Variants in TACC2 observed in about 807,000 individuals in gnomAD.
The protein encoded by TACC2 is transforming acidic coiled-coil containing protein 2.
In TACC2, 137 loss-of-function variants were observed where a neutral mutation model predicts 227.3. That is an observed-to-expected ratio of 0.60 (90% CI 0.52 to 0.69). The LOEUF is 0.69. Ranked by LOEUF, TACC2 falls within the 30% of genes least tolerant of loss-of-function variation. The pLI, the probability that TACC2 is intolerant of heterozygous loss-of-function variation, is 0.00. For missense variants in TACC2, 3,470 were observed against 3,694.4 expected, an observed-to-expected ratio of 0.94 and a Z score of 1.57; for synonymous variants, 1,523 against 1,487.5, an observed-to-expected ratio of 1.02 and a Z score of -0.55.
rs115898691 is a variant in TACC2 at position 122,215,951 on chromosome 10, C to T, written c.7344+500C>T. ...CTCCATCAGATAGATTCCATTTCTT[C>T]TACCCTGTTTACAGACCAAGGAAAG... On this transcript the variant is annotated intron_variant, in intron 10 of 22. Coordinates refer to ENST00000369005, the MANE Select transcript of TACC2 (RefSeq NM_206862.4). 6.3e-3 allele frequency among the ~76,000 whole-genome samples: 952 copies of T among 152,304 alleles called. 14 individuals are homozygous for T. The highest frequency in any genetic ancestry group is 0.022 in the African/African-American group (905 of 41,576).
intron 3 of TACC2, among the ~76,000 whole-genome samples, chr10:122,058,658 C>T (rs981552289): frequency 1.2e-4 from 19 of 152,206 alleles, no homozygotes; most frequent in African/African-American, 3.4e-4. Context: ...TCACCTGCCT[C>T]GGCCTCCCAA....
chr10:122,072,818 T>C (rs183534090), intron 3 of TACC2, among the ~76,000 whole-genome samples: 147 of 151,992 alleles, frequency 9.7e-4, no homozygotes, highest in Middle Eastern at 3.4e-3. Context: ...GACTAAGACA[T>C]AAAAATATAA....
chr10:122,220,227 T>A (rs2095497263), intron 11 of TACC2, among the ~76,000 whole-genome samples: 1 of 152,192 alleles, frequency 6.6e-6, no homozygotes, highest in African/African-American at 2.4e-5. Context: ...TATTTGTCCA[T>A]CTTCTACATT....
intron 5 of TACC2, among the ~76,000 whole-genome samples, chr10:122,089,682 G>A (rs1042499708): frequency 1.3e-5 from 2 of 152,218 alleles, no homozygotes; most frequent in African/African-American, 4.8e-5. Flanking sequence ...TATGAGTAGG[G>A]TGGAATCAGA....
intron 5 of TACC2, among the ~76,000 whole-genome samples, chr10:122,107,880 A>ATTTTT (rs1412735022): frequency 1.4e-4 from 14 of 102,264 alleles, no homozygotes; most frequent in Non-Finnish European, 2.0e-4. Flanking sequence ...ATATATATAT[A>ATTTTT]TTTTTTTTTT....
chr10:122,226,276 G>A, intron 12 of TACC2, 90 bp from the exon 13 acceptor site: 1 of 838,954 alleles, frequency 1.2e-6, no homozygotes, highest in Non-Finnish European at 2.0e-6. Flanking sequence ...TGGGTTATTT[G>A]TTCTCTGTTG....
At chr10:122,059,312 A>C (rs2459093) in intron 3 of TACC2, among the ~76,000 whole-genome samples, 85,727 of 151,020 alleles carry the variant, frequency 0.57, 25,264 homozygotes, top group Non-Finnish European at 0.64. Context: ...ATCAGAATTG[A>C]CTGGGATATC....
chr10:122,237,450 G>T lies in TACC2; in HGVS notation c.8183G>T (p.Arg2728Leu). The change falls in exon 17 of 23, where the codon CGC becomes CTC. Residue 2728 changes from arginine to leucine, a missense_variant. By Grantham distance (102) the Arg-to-Leu change is moderately radical. Transcript: ENST00000369005. The stretch of plus-strand genomic sequence containing the variant: ...ATCTCCAAAACAGCCTTGTACTCCC[G>T]CATCGGGACCGCTGAGGTGGAGAAA... Reference protein sequence around the residue: ...VSISKTALYSRIGTAEVEKPA... With the variant: ...VSISKTALYSLIGTAEVEKPA... The T allele has an allele frequency of 1.9e-6, 3 of 1,613,890 alleles. No individual in the cohort carries two copies. The highest frequency in any genetic ancestry group is 1.7e-6 in the Non-Finnish European group (2 of 1,179,940).
At chr10:122,065,779 G>T (rs1318556325) in intron 3 of TACC2, among the ~76,000 whole-genome samples, 1 of 152,072 alleles carries the variant, frequency 6.6e-6, no homozygotes, top group Admixed American at 6.6e-5. Context: ...CTTGTGTTTT[G>T]AAGCTCTGTT....
intron 5 of TACC2, among the ~76,000 whole-genome samples, chr10:122,090,019 C>G (rs903651955): frequency 3.9e-5 from 6 of 152,088 alleles, no homozygotes. Flanking sequence ...GGAGAAATAT[C>G]TGTCTAGCTT....
rs115591768 is a variant in TACC2, at chr10:122,204,258, G to A, written c.5972-6139G>A. Among the ~76,000 whole-genome samples, 355 of 152,188 alleles carry A rather than the reference G, an allele frequency of 2.3e-3. 2 individuals are homozygous for A. Among genetic ancestry groups the A allele is most frequent in the African/African-American group, 8.2e-3 (340 of 41,524 alleles). ...CTTTTAAAGAAAGCACTTTTCCAGAGCGTCTCATTTCATGCCTGCTTATAA... is the reference window on the plus strand; with the variant it reads ...CTTTTAAAGAAAGCACTTTTCCAGAACGTCTCATTTCATGCCTGCTTATAA... On this transcript the variant is annotated intron_variant, in intron 8 of 22. Transcript: ENST00000369005.
chr10:122,104,922 G>C (rs934616389), intron 5 of TACC2, among the ~76,000 whole-genome samples: 1 of 152,186 alleles, frequency 6.6e-6, no homozygotes, highest in African/African-American at 2.4e-5. Context: ...GGTAGCCATC[G>C]TTATCTGATG....
At chr10:122,133,785 G>A (rs1238229987) in intron 6 of TACC2, among the ~76,000 whole-genome samples, 2 of 152,156 alleles carry the variant, frequency 1.3e-5, no homozygotes, top group Admixed American at 6.5e-5. Flanking sequence ...ACAGATCCTT[G>A]TAAATGACCC....
At chr10:122,241,817 G>A (rs567462589) in intron 18 of TACC2, 141 bp from the exon 19 acceptor site, 28 of 760,690 alleles carry the variant, frequency 3.7e-5, no homozygotes, top group South Asian at 1.8e-4. Flanking sequence ...GAAAATGAGC[G>A]TGCAGGGCGA....
intron 3 of TACC2, among the ~76,000 whole-genome samples, chr10:122,060,841 C>T (rs543442756): frequency 2.6e-5 from 4 of 151,666 alleles, no homozygotes; most frequent in Non-Finnish European, 2.9e-5. Flanking sequence ...TCTGTCTCTA[C>T]TAAAAACACA....
At position 122,083,551 on chromosome 10, in the gene TACC2, C is replaced by G; in HGVS notation, c.1051C>G (p.Pro351Ala). ...GCACGCAGAGCTGCCCTGGGGCTTG[C>G]CAAGTCCTGCCCTGGTGCCAGAGGC... ...LPHAELPWGLPSPALVPEAGG... is the reference protein window; with the variant it reads ...LPHAELPWGLASPALVPEAGG... Residue 351 changes from proline (P) to alanine (A), a missense_variant, in exon 4 of 23, where the codon CCA becomes GCA. Physicochemically the swap from Pro to Ala is conservative, Grantham distance 27. Coordinates refer to ENST00000369005, the MANE Select transcript of TACC2 (RefSeq NM_206862.4). 6.2e-7 allele frequency: 1 copy of G among 1,613,148 alleles called. No individual in the cohort carries two copies. Among genetic ancestry groups the G allele is most frequent in the Non-Finnish European group, 8.5e-7 (1 of 1,179,982 alleles).
intron 21 of TACC2, 45 bp from the exon 22 acceptor site, chr10:122,249,499 G>C: frequency 6.2e-7 from 1 of 1,601,132 alleles, no homozygotes; most frequent in Non-Finnish European, 8.5e-7. Context: ...GGTGTCTCTA[G>C]TGATCCACAA....
Position 122,254,355 on chromosome 10 carries a change from G to A in TACC2, c.*299G>A. The A allele has an allele frequency of 2.4e-6, 1 of 420,032 alleles. No individual in the cohort carries two copies. Among genetic ancestry groups the A allele is most frequent in the Middle Eastern group, 7.1e-4 (1 of 1,400 alleles). 26.0% of individuals were successfully genotyped at this position (420,032 alleles called of 1,614,324 possible). Reference sequence around the variant, plus strand: ...ATTGCTGACCTTGGCCTTGCCCTTTGTACACAAGTTCCCAGGGTGAGCAGC... The same window carrying A: ...ATTGCTGACCTTGGCCTTGCCCTTTATACACAAGTTCCCAGGGTGAGCAGC... On this transcript the variant is annotated 3_prime_UTR_variant, in exon 23 of 23. Transcript: ENST00000369005.
In TACC2 at chr10:122,086,745, C is replaced by T; in HGVS notation, c.4245C>T (p.Ile1415=). 6.2e-7 allele frequency: 1 copy of T among 1,613,980 alleles called. No individual in the cohort carries two copies. Among genetic ancestry groups the T allele is most frequent in the Non-Finnish European group, 8.5e-7 (1 of 1,179,976 alleles). ...ACTTCAGGGAGCACATCGCCAAGAT[C>T]TTCGAGAAGCCTGTGCTCGGAGCCC... The part of the protein sequence containing the change: ...FPDFREHIAK[I]FEKPVLGALA... The change falls in exon 4 of 23, where the codon ATC becomes ATT. Residue 1415 remains isoleucine (I), a synonymous_variant. Transcript: ENST00000369005.
Sources: gnomAD v4.1 joint callset for allele counts (sites outside exome capture counted in the v4.1 genomes callset) on GRCh38, gnomAD v4.1.1 for gene constraint, MANE v1.5 for transcripts, NCBI Gene and HGNC (gene_info 2026-07-23, HGNC 2026-07-21) for gene names.